The following IPO11 variants were observed in gnomAD, a reference collection of about 807,000 sequenced individuals.
IPO11 encodes importin 11, also known as importin-11.
In IPO11, 66 loss-of-function variants were observed where a neutral mutation model predicts 143.2. That is an observed-to-expected ratio of 0.46 (90% CI 0.38 to 0.57). The LOEUF (loss-of-function observed/expected upper bound fraction) is 0.57, where lower values mean the gene tolerates loss of function less well. Ranked by LOEUF, IPO11 falls within the 20% of genes least tolerant of loss-of-function variation. The pLI, the probability that IPO11 is intolerant of heterozygous loss-of-function variation, is 0.00. For synonymous variants in IPO11, 385 were observed against 377.8 expected (o/e 1.02, Z -0.22); for missense variants, 1,026 against 1,141.0 (o/e 0.90, Z 1.45).
intron 27 of IPO11, among the ~76,000 whole-genome samples, chr5:62,571,024 C>G (rs1744115631): frequency 1.3e-5 from 2 of 152,170 alleles, no homozygotes; most frequent in South Asian, 4.1e-4. Context: ...CTAGCTCCAA[C>G]AAGGATAACA....
chr5:62,449,629 A>C (rs1031639343), intron 3 of IPO11: 3 of 199,398 alleles, frequency 1.5e-5, no homozygotes, highest in African/African-American at 7.0e-5. Flanking sequence ...CTTCCCATTT[A>C]TTCAATTGTG....
At chr5:62,577,459 G>T (rs977337783) in intron 27 of IPO11, among the ~76,000 whole-genome samples, 31 of 151,880 alleles carry the variant, frequency 2.0e-4, no homozygotes, top group Non-Finnish European at 7.4e-5. Flanking sequence ...TTATTTCAAA[G>T]GACCCTTTCT....
At chr5:62,581,012 A>G in intron 27 of IPO11, 1 of 1,551,310 alleles carries the variant, frequency 6.4e-7, no homozygotes, top group Non-Finnish European at 8.7e-7. Flanking sequence ...GAGAAGTTGA[A>G]TGAGGCTTTT....
At chr5:62,623,652 T>G (rs1191039605) in intron 29 of IPO11, among the ~76,000 whole-genome samples, 2 of 151,182 alleles carry the variant, frequency 1.3e-5, no homozygotes, top group Non-Finnish European at 3.0e-5. Flanking sequence ...TTTCTTTTTT[T>G]TTTTTTTTTT....
At chr5:62,579,380 C>T (rs1396196926) in intron 27 of IPO11, 2 of 1,483,134 alleles carry the variant, frequency 1.3e-6, no homozygotes, top group African/African-American at 1.4e-5. Flanking sequence ...TGATTTAAAG[C>T]TTTACCTTCT....
At chr5:62,536,309 G>T (rs543801934) in intron 22 of IPO11, among the ~76,000 whole-genome samples, 6 of 150,864 alleles carry the variant, frequency 4.0e-5, no homozygotes, top group East Asian at 1.9e-4. Flanking sequence ...TAGTTAGGTG[G>T]TTTTTTTTTC....
At chr5:62,613,228 A>G (rs1249808836) in intron 29 of IPO11, among the ~76,000 whole-genome samples, 2 of 151,512 alleles carry the variant, frequency 1.3e-5, no homozygotes, top group Non-Finnish European at 2.9e-5. Flanking sequence ...CTGATTTTAA[A>G]TAAGAGTCCC....
chr5:62,427,461 G>A (rs529720022), intron 1 of IPO11, among the ~76,000 whole-genome samples: 10 of 152,278 alleles, frequency 6.6e-5, no homozygotes, highest in African/African-American at 2.4e-4. Flanking sequence ...TAGGGCAGGT[G>A]TCCCCAGCCC....
intron 9 of IPO11, among the ~76,000 whole-genome samples, chr5:62,477,832 T>A (rs1746014203): frequency 6.6e-6 from 1 of 152,258 alleles, no homozygotes; most frequent in African/African-American, 2.4e-5. Flanking sequence ...CATGGATAGA[T>A]GGTATCTGTA....
intron 19 of IPO11, among the ~76,000 whole-genome samples, chr5:62,507,374 A>G (rs1741588779): frequency 6.6e-6 from 1 of 152,192 alleles, no homozygotes; most frequent in Non-Finnish European, 1.5e-5. Flanking sequence ...TACATTAATC[A>G]CATTAATTCA....
At chr5:62,525,805 A>G (rs1394958605) in intron 20 of IPO11, among the ~76,000 whole-genome samples, 1 of 152,248 alleles carries the variant, frequency 6.6e-6, no homozygotes, top group African/African-American at 2.4e-5. Context: ...AAGCATCTAT[A>G]GAATTTAAAA....
chr5:62,448,519 G>C (rs956320509), intron 3 of IPO11, among the ~76,000 whole-genome samples: 1 of 152,050 alleles, frequency 6.6e-6, no homozygotes, highest in Non-Finnish European at 1.5e-5. Flanking sequence ...TGATATTCTT[G>C]TATTAGTACT....
intron 16 of IPO11, among the ~76,000 whole-genome samples, chr5:62,495,769 C>A (rs534622221): frequency 1.3e-5 from 2 of 152,122 alleles, no homozygotes; most frequent in Non-Finnish European, 2.9e-5. Flanking sequence ...CTGCACTGGG[C>A]CCCGAAATTG....
intron 26 of IPO11, chr5:62,560,728 G>A (rs1224206124): frequency 1.3e-5 from 2 of 152,828 alleles, no homozygotes; most frequent in African/African-American, 4.8e-5. Flanking sequence ...TCTCCTCTGA[G>A]GGTAGCAGCA....
chr5:62,511,640 A>G (rs555168139), intron 19 of IPO11, among the ~76,000 whole-genome samples: 2 of 152,338 alleles, frequency 1.3e-5, no homozygotes, highest in East Asian at 3.9e-4. Context: ...TTACTAGCAG[A>G]ATGAAGAAAC....
At chr5:62,477,274 A>G (rs1199097826) in intron 9 of IPO11, among the ~76,000 whole-genome samples, 2 of 152,176 alleles carry the variant, frequency 1.3e-5, no homozygotes, top group Non-Finnish European at 2.9e-5. Context: ...GAGAAGTGCA[A>G]ATAATTGGGT....
intron 21 of IPO11, chr5:62,526,503 T>C: frequency 3.2e-6 from 1 of 314,514 alleles, no homozygotes; most frequent in Non-Finnish European, 5.9e-6. Context: ...GAATTTGTCA[T>C]GTAATATGGG....
rs550528567 is a variant in IPO11, at chr5:62,563,373, A to G, written c.2582+2116A>G. On this transcript the variant is annotated intron_variant, in intron 27 of 29. Coordinates refer to ENST00000325324, the MANE Select transcript of IPO11 (RefSeq NM_016338.5). Reference sequence around the variant, plus strand: ...TAAAGTACTGAGATTATTGAAAGAAAGCTAGAAATGGTGGAGGTTAAGTTT... The same window carrying G: ...TAAAGTACTGAGATTATTGAAAGAAGGCTAGAAATGGTGGAGGTTAAGTTT... Among the ~76,000 whole-genome samples the G allele has an allele frequency of 3.3e-5, 5 of 152,344 alleles. No homozygotes were observed. The South Asian group carries it at 1.0e-3, about 32-fold the overall frequency.
At chr5:62,419,196 A>C in intron 1 of IPO11, 1 of 1,499,960 alleles carries the variant, frequency 6.7e-7, no homozygotes, top group Non-Finnish European at 8.9e-7. Flanking sequence ...GTAGAAGTAA[A>C]AAATGGTACA....
Sources: allele counts gnomAD v4.1 joint callset (sites outside exome capture counted in the v4.1 genomes callset), GRCh38; gene constraint gnomAD v4.1.1; transcripts MANE v1.5; gene names NCBI Gene and HGNC (gene_info 2026-07-23, HGNC 2026-07-21).